Variants in COL11A1 observed in about 807,000 individuals in gnomAD.
COL11A1 encodes the protein collagen alpha-1(XI) chain.
In COL11A1, 74 loss-of-function variants were observed where a neutral mutation model predicts 265.2. The ratio of observed to expected loss-of-function variants is 0.28; its 90% CI spans 0.23 to 0.34. The LOEUF (loss-of-function observed/expected upper bound fraction) is 0.34, where lower values mean the gene tolerates loss of function less well. Ranked by LOEUF, COL11A1 falls within the 10% of genes least tolerant of loss-of-function variation. The pLI is 1.00. For missense variants in COL11A1, 2,165 were observed against 2,263.6 expected (o/e 0.96, Z 0.88); for synonymous variants, 816 against 727.6 (o/e 1.12, Z -1.96).
intron 54 of COL11A1, among the ~76,000 whole-genome samples, chr1:102,905,290 G>GT (rs1653815574): frequency 6.6e-6 from 1 of 150,436 alleles, no homozygotes; most frequent in African/African-American, 2.5e-5. Context: ...GAGTTACTGG[G>GT]TGCAGCACAC....
Position 102,887,019 on chromosome 1 carries a change from A to G in COL11A1, c.4646T>C (p.Leu1549Ser). 1 of 1,613,910 alleles carries G rather than the reference A, an allele frequency of 6.2e-7. No individual in the cohort carries two copies. The highest frequency in any genetic ancestry group is 8.5e-7 in the Non-Finnish European group (1 of 1,179,844). Residue 1549 changes from leucine to serine, a missense_variant, in exon 63 of 67, where the codon TTG becomes TCG. By Grantham distance (145) the Leu-to-Ser change is moderately radical. Transcript: ENST00000370096. ...ATGTCTTCTCGTTTTTTTGGAGGAC[A>G]AGATTGGTAAAGGCTGAATGACTTC... The part of the protein sequence containing the change: ...PGEVIQPLPI[L>S]SSKKTRRHTE...
chr1:103,065,038 A>AGACTTTG (rs1238997407), intron 4 of COL11A1, among the ~76,000 whole-genome samples: 2 of 152,160 alleles, frequency 1.3e-5, no homozygotes, highest in East Asian at 3.9e-4. Flanking sequence ...TGTAAACTAT[A>AGACTTTG]GACTTTGGGT....
chr1:102,972,552 A>G (rs1343387365), intron 36 of COL11A1, among the ~76,000 whole-genome samples: 2 of 152,132 alleles, frequency 1.3e-5, no homozygotes, highest in South Asian at 4.1e-4. Context: ...CCCTAAATAA[A>G]TATAAAGGCC....
chr1:102,908,005 C>T (rs1357502167), intron 54 of COL11A1, among the ~76,000 whole-genome samples: 1 of 151,952 alleles, frequency 6.6e-6, no homozygotes. Flanking sequence ...GTGGCAGTGC[C>T]CAGTAACTCA....
At chr1:102,949,083 G>A (rs1327662863) in intron 41 of COL11A1, among the ~76,000 whole-genome samples, 2 of 152,008 alleles carry the variant, frequency 1.3e-5, no homozygotes, top group Non-Finnish European at 2.9e-5. Flanking sequence ...AAAGAAAAAA[G>A]TCAGTAATAA....
At chr1:102,935,158 G>A in intron 44 of COL11A1, 45 bp from the exon 45 acceptor site, 1 of 1,523,518 alleles carries the variant, frequency 6.6e-7, no homozygotes, top group Non-Finnish European at 9.1e-7. Flanking sequence ...GAAGCCAGAA[G>A]AGCCTCAGCC....
intron 13 of COL11A1, among the ~76,000 whole-genome samples, chr1:103,013,590 G>A (rs1041484100): frequency 6.6e-6 from 1 of 151,588 alleles, no homozygotes; most frequent in Non-Finnish European, 1.5e-5. Context: ...ATCAAATAAT[G>A]ATATATTTTC....
At chr1:103,091,916 C>T (rs943034139) in intron 1 of COL11A1, among the ~76,000 whole-genome samples, 2 of 152,030 alleles carry the variant, frequency 1.3e-5, no homozygotes, top group Non-Finnish European at 2.9e-5. Context: ...TCAAACCAAA[C>T]ACATAACAAG....
rs75828102 is a variant in COL11A1, at chr1:103,006,018, C to T, written c.1791+50G>A. 141 of 1,611,618 alleles carry T rather than the reference C, an allele frequency of 8.7e-5. No individual in the cohort carries two copies. In the African/African-American group the frequency reaches 1.5e-3, roughly 17 times the overall value. ...ATGGATTTTTAAATATAAAATTTTCCAGAGTGAACTGACACAGGATGTGAA... is the reference window on the plus strand; with the variant it reads ...ATGGATTTTTAAATATAAAATTTTCTAGAGTGAACTGACACAGGATGTGAA... On this transcript the variant is annotated intron_variant, in intron 17 of 66. Transcript: ENST00000370096.
chr1:103,085,074 G>A (rs116248834), intron 1 of COL11A1, among the ~76,000 whole-genome samples: 1,701 of 152,292 alleles, frequency 0.011, 37 homozygotes, highest in African/African-American at 0.037. Context: ...AGGTATAAAC[G>A]TTTGAAAAGT....
chr1:103,050,101 T>C (rs1305501025), intron 4 of COL11A1, among the ~76,000 whole-genome samples: 1 of 152,170 alleles, frequency 6.6e-6, no homozygotes, highest in East Asian at 1.9e-4. Context: ...TCTCAAGGAC[T>C]ATCTTTGTGA....
chr1:103,083,699 A>G (rs1672622053), intron 1 of COL11A1, among the ~76,000 whole-genome samples: 1 of 152,208 alleles, frequency 6.6e-6, no homozygotes, highest in African/African-American at 2.4e-5. Flanking sequence ...ATCTATCTAT[A>G]TGTAATTTAT....
chr1:102,928,046 T>G (rs761396061), intron 46 of COL11A1, among the ~76,000 whole-genome samples: 6 of 152,270 alleles, frequency 3.9e-5, no homozygotes, highest in Non-Finnish European at 8.8e-5. Context: ...GCTATCAATC[T>G]GAAGTACTAA....
At chr1:103,024,670 TG>T (rs1667381063) in intron 7 of COL11A1, among the ~76,000 whole-genome samples, 1 of 151,962 alleles carries the variant, frequency 6.6e-6, no homozygotes, top group Non-Finnish European at 1.5e-5. Flanking sequence ...TCATTTTTTT[TG>T]AAAATTATTA....
At chr1:103,014,624 A>G (rs1666411770) in intron 12 of COL11A1, 30 bp from the exon 13 acceptor site, 2 of 1,579,256 alleles carry the variant, frequency 1.3e-6, no homozygotes, top group African/African-American at 1.3e-5. Context: ...AGAAATTCAA[A>G]ATTAGCTTTG....
intron 4 of COL11A1, among the ~76,000 whole-genome samples, chr1:103,032,435 G>T (rs1668059922): frequency 6.6e-6 from 1 of 151,858 alleles, no homozygotes; most frequent in Non-Finnish European, 1.5e-5. Context: ...TGAACCTGTG[G>T]GTGTAGAAAC....
chr1:102,909,038 T>C (rs1654333868), intron 54 of COL11A1, among the ~76,000 whole-genome samples: 1 of 152,228 alleles, frequency 6.6e-6, no homozygotes, highest in Admixed American at 6.5e-5. Flanking sequence ...ATTATTGCTA[T>C]AATATGGATA....
intron 1 of COL11A1, among the ~76,000 whole-genome samples, chr1:103,103,943 C>G (rs1428207408): frequency 6.6e-6 from 1 of 151,934 alleles, no homozygotes; most frequent in Non-Finnish European, 1.5e-5. Flanking sequence ...ATTTAAAATT[C>G]TTTTGATCAC....
intron 31 of COL11A1, 196 bp from the exon 32 acceptor site, chr1:102,979,631 C>A (rs1402720129): frequency 6.0e-6 from 4 of 669,676 alleles, no homozygotes; most frequent in Non-Finnish European, 1.1e-5. Flanking sequence ...ATTGAAAGCA[C>A]AAATTGATAA....
Sources: allele counts gnomAD v4.1 joint callset (sites outside exome capture counted in the v4.1 genomes callset), GRCh38; gene constraint gnomAD v4.1.1; transcripts MANE v1.5; gene names NCBI Gene and HGNC (gene_info 2026-07-23, HGNC 2026-07-21).